Variants in TEX14 observed in about 807,000 individuals in gnomAD.
TEX14 encodes inactive serine/threonine-protein kinase TEX14.
Under a neutral mutation model 178.6 loss-of-function variants are expected in TEX14, and 168 were observed. The ratio of observed to expected loss-of-function variants is 0.94; its 90% confidence interval spans 0.83 to 1.07. TEX14 has a LOEUF of 1.07. Among genes scored for constraint, TEX14 ranks in the 50% least tolerant of loss-of-function variants. TEX14 has a pLI of 0.00. For synonymous variants in TEX14, 626 were observed against 634.1 expected, an observed-to-expected ratio of 0.99 and a Z score of 0.19; for missense variants, 1,730 against 1,753.6, an observed-to-expected ratio of 0.99 and a Z score of 0.24.
chr17:58,575,719 G>A (rs974471608), intron 21 of TEX14, among the ~76,000 whole-genome samples: 1 of 152,116 alleles, frequency 6.6e-6, no homozygotes, highest in African/African-American at 2.4e-5. Context: ...CAAAAATGGG[G>A]CCTCCCTCAG....
chr17:58,663,830 A>G (rs911598032), intron 1 of TEX14, among the ~76,000 whole-genome samples: 3 of 152,284 alleles, frequency 2.0e-5, no homozygotes, highest in African/African-American at 7.2e-5. Flanking sequence ...CCTGAAACAC[A>G]CTGGCCCTGA....
At chr17:58,651,050 T>C (rs1421153574) in intron 2 of TEX14, among the ~76,000 whole-genome samples, 1 of 152,178 alleles carries the variant, frequency 6.6e-6, no homozygotes, top group African/African-American at 2.4e-5. Context: ...GGCAGATCAC[T>C]TGAGCCCAGA....
intron 2 of TEX14, among the ~76,000 whole-genome samples, chr17:58,640,292 C>G (rs1279559545): frequency 1.4e-5 from 2 of 147,532 alleles, no homozygotes; most frequent in Non-Finnish European, 3.0e-5. Flanking sequence ...GGTGACACAG[C>G]GAGACTCTGT....
At position 58,616,312 on chromosome 17, in the gene TEX14, C is replaced by T. The variant is rs759250335; in HGVS notation, c.637-7G>A. ...TCGCCCCAGTAAGATAAAACTGAAACCAAGGCATAGCCTCAAATTATGGGG... is the reference window on the plus strand; with the variant it reads ...TCGCCCCAGTAAGATAAAACTGAAATCAAGGCATAGCCTCAAATTATGGGG... On this transcript the variant is annotated splice_polypyrimidine_tract_variant and splice_region_variant and intron_variant, in intron 6 of 31. Coordinates refer to ENST00000349033, the MANE Select transcript of TEX14 (RefSeq NM_031272.5). 2.5e-6 allele frequency: 4 copies of T among 1,610,810 alleles called. No individual in the cohort carries two copies. In the African/African-American group the frequency reaches 4.0e-5, roughly 16 times the overall value.
intron 1 of TEX14, among the ~76,000 whole-genome samples, chr17:58,673,547 C>T (rs1030996089): frequency 2.0e-5 from 3 of 151,274 alleles, no homozygotes; most frequent in African/African-American, 7.3e-5. Context: ...ATTTTTCTCT[C>T]TCCTTTATAT....
chr17:58,628,661 G>A (rs541132064), intron 3 of TEX14, among the ~76,000 whole-genome samples: 23 of 151,758 alleles, frequency 1.5e-4, no homozygotes, highest in African/African-American at 5.3e-4. Context: ...GCAATGAGCC[G>A]AGATTGCGCC....
At chr17:58,630,669 G>T in intron 2 of TEX14, 115 bp from the exon 3 acceptor site, 2 of 667,336 alleles carry the variant, frequency 3.0e-6, no homozygotes, top group Non-Finnish European at 5.2e-6. Context: ...ATTGCTGTGA[G>T]CTTTTTTTTA....
At chr17:58,633,529 C>G (rs2046366856) in intron 2 of TEX14, among the ~76,000 whole-genome samples, 1 of 152,196 alleles carries the variant, frequency 6.6e-6, no homozygotes, top group African/African-American at 2.4e-5. Context: ...AGGCCCACTA[C>G]CATCTTGAGG....
chr17:58,562,043 C>T (rs949720197), intron 28 of TEX14, among the ~76,000 whole-genome samples: 7 of 151,990 alleles, frequency 4.6e-5, no homozygotes, highest in African/African-American at 1.7e-4. Context: ...CGAGATCACG[C>T]GACTGCACTC....
At chr17:58,598,323 A>G (rs535517367) in intron 14 of TEX14, among the ~76,000 whole-genome samples, 2 of 151,144 alleles carry the variant, frequency 1.3e-5, no homozygotes, top group South Asian at 2.1e-4. Context: ...TCCAAAAAAA[A>G]AAAAAAAAGA....
At chr17:58,574,353 G>C in intron 21 of TEX14, 104 bp from the exon 22 acceptor site, 1 of 843,460 alleles carries the variant, frequency 1.2e-6, no homozygotes, top group East Asian at 2.5e-5. Flanking sequence ...GTGAGACGCA[G>C]AGGAAAGGGC....
At chr17:58,624,576 C>T (rs560333327) in intron 3 of TEX14, among the ~76,000 whole-genome samples, 6 of 151,486 alleles carry the variant, frequency 4.0e-5, no homozygotes, top group Admixed American at 1.3e-4. Flanking sequence ...TCCTGACCTC[C>T]GGTGATCTAC....
In TEX14 at chr17:58,622,954, T is replaced by A; in HGVS notation, c.310A>T (p.Ile104Phe). The A allele has an allele frequency of 1.2e-6, 2 of 1,611,664 alleles. No homozygotes were observed. The part of the protein sequence containing the change: ...HAAAFSGNQW[I>F]LSKLLDAGGD... Reference sequence around the variant, plus strand: ...CCTGCATCCAGCAGTTTGCTAAGGATCCACTGATTGCCCGAAAATGCTGCT... The same window carrying A: ...CCTGCATCCAGCAGTTTGCTAAGGAACCACTGATTGCCCGAAAATGCTGCT... The change falls in exon 4 of 32, where the codon ATC (isoleucine) becomes TTC (phenylalanine). Residue 104 changes from isoleucine to phenylalanine, a missense_variant. Coordinates refer to ENST00000349033, the MANE Select transcript of TEX14 (RefSeq NM_031272.5).
intron 10 of TEX14, among the ~76,000 whole-genome samples, chr17:58,608,647 C>T (rs1324689859): frequency 6.6e-6 from 1 of 152,220 alleles, no homozygotes; most frequent in Non-Finnish European, 1.5e-5. Flanking sequence ...AACTCCCCAT[C>T]TGGTGGCACA....
At chr17:58,577,510 G>T in intron 20 of TEX14, 54 bp from the exon 21 acceptor site, 3 of 612,130 alleles carry the variant, frequency 4.9e-6, no homozygotes, top group East Asian at 3.7e-5. Flanking sequence ...CTGAATCTTT[G>T]TCAACCCAAA....
At chr17:58,647,315 A>AG (rs2046732326) in intron 2 of TEX14, among the ~76,000 whole-genome samples, 1 of 151,728 alleles carries the variant, frequency 6.6e-6, no homozygotes, top group South Asian at 2.1e-4. Context: ...GCAGATCACA[A>AG]GGTCAGGAGA....
intron 1 of TEX14, among the ~76,000 whole-genome samples, chr17:58,673,623 G>A (rs767455207): frequency 9.9e-5 from 15 of 151,980 alleles, no homozygotes; most frequent in Admixed American, 4.6e-4. Flanking sequence ...ATGCAGTCAC[G>A]CAATTTCAGC....
intron 2 of TEX14, among the ~76,000 whole-genome samples, chr17:58,638,460 G>A (rs1314167431): frequency 1.3e-5 from 2 of 152,204 alleles, no homozygotes; most frequent in Non-Finnish European, 2.9e-5. Context: ...AAACTGTGGT[G>A]TATTTATACA....
intron 14 of TEX14, among the ~76,000 whole-genome samples, chr17:58,597,955 C>T (rs971399559): frequency 1.3e-5 from 2 of 152,050 alleles, no homozygotes; most frequent in South Asian, 2.1e-4. Context: ...TCCACCAGGT[C>T]CCTCAGTCCC....
Sources: gnomAD v4.1 joint callset for allele counts (sites outside exome capture counted in the v4.1 genomes callset) on GRCh38, gnomAD v4.1.1 for gene constraint, MANE v1.5 for transcripts, NCBI Gene and HGNC (gene_info 2026-07-23, HGNC 2026-07-21) for gene names.